Variants in PTPRR observed in about 807,000 individuals in gnomAD.
The protein encoded by PTPRR is protein tyrosine phosphatase receptor type R.
In PTPRR, 38 loss-of-function variants were observed where a neutral mutation model predicts 77.2. The ratio of observed to expected loss-of-function variants is 0.49; its 90% CI spans 0.38 to 0.65. The LOEUF (loss-of-function observed/expected upper bound fraction) is 0.65. PTPRR is among the 30% of genes least tolerant of loss of function. The probability of loss-of-function intolerance (pLI) is 0.00; values close to 1 mark genes in which losing one functional copy is unlikely to be tolerated. For synonymous variants in PTPRR, 299 were observed against 283.1 expected (o/e 1.06, Z -0.57); for missense variants, 744 against 799.2 (o/e 0.93, Z 0.83).
chr12:70,662,567 A>T lies in PTPRR; in HGVS notation c.1536T>A (p.Tyr512Ter). Residue 512 changes from tyrosine to a stop codon, truncating the protein, a stop_gained, in exon 11 of 14, where the codon TAT (tyrosine) becomes TAA (stop). Coordinates refer to ENST00000283228, the MANE Select transcript of PTPRR (RefSeq NM_002849.4). LOFTEE classifies it high-confidence loss of function. ...TGATAACCAGAACCTCAACTTTTCC[A>T]TATATCCCTCTCTTTTCCGGCCAGT... Reference protein sequence around the residue: ...VLYWPEKRGIYGKVEVLVISV... With the variant: ...VLYWPEKRGI The T allele has an allele frequency of 1.9e-6, 3 of 1,612,510 alleles. No individual in the cohort carries two copies. Among genetic ancestry groups the T allele is most frequent in the Non-Finnish European group, 2.5e-6 (3 of 1,178,890 alleles).
chr12:70,908,821 T>G (rs1216303232), intron 1 of PTPRR, among the ~76,000 whole-genome samples: 1 of 152,168 alleles, frequency 6.6e-6, no homozygotes, highest in Admixed American at 6.5e-5. Flanking sequence ...CATTTGAAAT[T>G]AATGGCACTG....
Position 70,684,049 on chromosome 12 carries a change from T to C in PTPRR, c.1497+78A>G, listed in dbSNP as rs878871572. On this transcript the variant is annotated intron_variant, in intron 10 of 13. Transcript: ENST00000283228. ...AGTTTCCATCTTAAATCTAAGTCCA[T>C]GGCAATTTTACTAACACAGTATCTC... 51 of 1,480,090 alleles carry C rather than the reference T, an allele frequency of 3.4e-5. No individual in the cohort carries two copies. The South Asian group carries it at 6.7e-4, about 19-fold the overall frequency. 91.7% of individuals were successfully genotyped at this position (1,480,090 alleles called of 1,614,324 possible).
At chr12:70,787,550 T>C (rs1024618226) in intron 2 of PTPRR, among the ~76,000 whole-genome samples, 1 of 152,176 alleles carries the variant, frequency 6.6e-6, no homozygotes, top group African/African-American at 2.4e-5. Flanking sequence ...GCAATAAACA[T>C]TACAAGAAAA....
At chr12:70,681,147 C>T (rs1887642618) in intron 10 of PTPRR, among the ~76,000 whole-genome samples, 1 of 152,100 alleles carries the variant, frequency 6.6e-6, no homozygotes, top group South Asian at 2.1e-4. Flanking sequence ...GGAGCTGTAG[C>T]AACTCAGCAA....
intron 10 of PTPRR, chr12:70,672,063 G>T (rs1887247169): frequency 7.6e-7 from 1 of 1,319,114 alleles, no homozygotes; most frequent in Non-Finnish European, 1.1e-6. Flanking sequence ...ATGGAGAATG[G>T]TGGAAGGGTT....
intron 5 of PTPRR, among the ~76,000 whole-genome samples, chr12:70,752,015 T>C (rs1043603856): frequency 3.3e-5 from 5 of 152,196 alleles, no homozygotes; most frequent in African/African-American, 1.2e-4. Context: ...TTCTCTGAAA[T>C]CTCTGGCAAC....
chr12:70,843,819 T>G (rs1024936297), intron 2 of PTPRR, among the ~76,000 whole-genome samples: 4 of 145,420 alleles, frequency 2.8e-5, no homozygotes, highest in Non-Finnish European at 5.9e-5. Context: ...TTTTTTTTTT[T>G]TTTTTTTTTT....
rs116366937 is a variant in PTPRR at position 70,710,250 on chromosome 12, C to T, written c.1008-8927G>A. On this transcript the variant is annotated intron_variant, in intron 6 of 13. Coordinates refer to ENST00000283228, the MANE Select transcript of PTPRR (RefSeq NM_002849.4). ...TAGAGATGCCAGAAATAAGGCTGCA[C>T]GTCTACAACTATTTGATCTTCAACA... Among the ~76,000 whole-genome samples, 859 of 152,150 alleles carry T rather than the reference C, an allele frequency of 5.6e-3. 9 individuals are homozygous for T. Among genetic ancestry groups the T allele is most frequent in the African/African-American group, 0.019 (789 of 41,532 alleles).
intron 4 of PTPRR, among the ~76,000 whole-genome samples, chr12:70,760,844 G>A (rs1345229611): frequency 6.6e-6 from 1 of 152,162 alleles, no homozygotes; most frequent in African/African-American, 2.4e-5. Flanking sequence ...GAGCGGGATG[G>A]AGTAATAGAA....
intron 2 of PTPRR, among the ~76,000 whole-genome samples, chr12:70,776,241 G>A (rs6581966): frequency 1 from 151,983 of 152,320 alleles, 75,826 homozygotes; most frequent in Middle Eastern, 1. Context: ...ACGACATCCA[G>A]TGAATAGTCA....
intron 2 of PTPRR, among the ~76,000 whole-genome samples, chr12:70,806,873 G>A (rs1460319027): frequency 2.6e-5 from 4 of 152,024 alleles, no homozygotes; most frequent in East Asian, 3.9e-4. Context: ...TTCTATGTGG[G>A]GATAGTACTG....
At chr12:70,751,304 T>C (rs1032381179) in intron 5 of PTPRR, among the ~76,000 whole-genome samples, 37 of 152,140 alleles carry the variant, frequency 2.4e-4, no homozygotes, top group African/African-American at 7.0e-4. Context: ...ATCTCAATCC[T>C]TCACTTCTCT....
chr12:70,905,010 A>C (rs1269039044), intron 1 of PTPRR, among the ~76,000 whole-genome samples: 1 of 151,848 alleles, frequency 6.6e-6, no homozygotes, highest in Non-Finnish European at 1.5e-5. Context: ...AAGGAGAAGG[A>C]GCCAGCTAAA....
chr12:70,893,840 A>C (rs771731247), intron 1 of PTPRR, among the ~76,000 whole-genome samples: 3 of 151,962 alleles, frequency 2.0e-5, no homozygotes, highest in Non-Finnish European at 4.4e-5. Context: ...TTTTAGAGAG[A>C]AAAACAATAT....
chr12:70,639,152 A>C lies in PTPRR; in HGVS notation c.*32T>G. 273 of 1,563,354 alleles carry C rather than the reference A, an allele frequency of 1.7e-4. No individual in the cohort carries two copies. The highest frequency in any genetic ancestry group is 2.2e-4 in the Non-Finnish European group (250 of 1,138,156). On this transcript the variant is annotated 3_prime_UTR_variant, in exon 14 of 14. Transcript: ENST00000283228. ...GTGGGTAATTTGATTAATCACCCCA[A>C]GAGATTGATGGTCTGACAAGTCTTC...
At chr12:70,640,119 G>A (rs776427715) in intron 13 of PTPRR, among the ~76,000 whole-genome samples, 71 of 152,242 alleles carry the variant, frequency 4.7e-4, no homozygotes, top group Admixed American at 9.8e-4. Flanking sequence ...TTCTCATTAT[G>A]TTTTTATATA....
chr12:70,740,141 A>C (rs1402785454), intron 6 of PTPRR, among the ~76,000 whole-genome samples: 1 of 152,184 alleles, frequency 6.6e-6, no homozygotes, highest in South Asian at 2.1e-4. Context: ...ATGCAGACAG[A>C]TAAGATGAAA....
At chr12:70,918,013 C>A (rs896726653) in intron 1 of PTPRR, among the ~76,000 whole-genome samples, 6 of 152,128 alleles carry the variant, frequency 3.9e-5, no homozygotes, top group Non-Finnish European at 8.8e-5. Flanking sequence ...AGAGAAAAGT[C>A]TTCCATAAAA....
chr12:70,660,473 C>A (rs944104973), intron 12 of PTPRR, among the ~76,000 whole-genome samples: 2 of 152,084 alleles, frequency 1.3e-5, no homozygotes, highest in African/African-American at 4.8e-5. Flanking sequence ...GGAGATAACT[C>A]TTAAAATAAT....
Sources: allele counts gnomAD v4.1 joint callset (sites outside exome capture counted in the v4.1 genomes callset), GRCh38; gene constraint gnomAD v4.1.1; transcripts MANE v1.5; gene names NCBI Gene and HGNC (gene_info 2026-07-23, HGNC 2026-07-21).